The following CCDC170 variants were observed in gnomAD, a reference collection of about 807,000 sequenced individuals.
CCDC170 encodes the protein coiled-coil domain-containing protein 170.
A neutral mutation model predicts 72.6 loss-of-function variants in CCDC170; 69 were observed. The observed-to-expected ratio is 0.95, with a 90% CI of 0.78 to 1.16. The LOEUF (loss-of-function observed/expected upper bound fraction) is 1.16. Ranked by LOEUF, CCDC170 falls within the 50% of genes most tolerant of loss-of-function variation. The pLI is 0.00. For missense variants in CCDC170, 852 were observed against 832.5 expected (o/e 1.02, Z -0.29); for synonymous variants, 300 against 303.9 (o/e 0.99, Z 0.13).
intron 5 of CCDC170, among the ~76,000 whole-genome samples, chr6:151,553,570 G>A (rs527389874): frequency 2.4e-4 from 36 of 152,188 alleles, no homozygotes; most frequent in Admixed American, 3.9e-4. Context: ...TCAGTAGTAG[G>A]AAACGAGTAA....
intron 1 of CCDC170, among the ~76,000 whole-genome samples, chr6:151,503,139 T>G (rs982668923): frequency 6.6e-6 from 1 of 152,098 alleles, no homozygotes; most frequent in Non-Finnish European, 1.5e-5. Flanking sequence ...ATCACGCCGC[T>G]GCCCTCTGGC....
intron 1 of CCDC170, among the ~76,000 whole-genome samples, chr6:151,505,172 G>T (rs75969278): frequency 1.3e-4 from 20 of 152,174 alleles, no homozygotes; most frequent in Admixed American, 3.9e-4. Flanking sequence ...TGTGCTGCCC[G>T]CAGACCTTCT....
intron 5 of CCDC170, among the ~76,000 whole-genome samples, chr6:151,567,898 G>T (rs1175525978): frequency 6.6e-6 from 1 of 151,880 alleles, no homozygotes; most frequent in Non-Finnish European, 1.5e-5. Flanking sequence ...GGGTCACAAG[G>T]TCAGGAGTTC....
At chr6:151,512,103 C>G (rs1288694559) in intron 1 of CCDC170, among the ~76,000 whole-genome samples, 2 of 151,952 alleles carry the variant, frequency 1.3e-5, no homozygotes, top group Non-Finnish European at 2.9e-5. Flanking sequence ...TCTCAACCTC[C>G]CAATGTGCTG....
At chr6:151,592,578 G>A (rs1007781712) in intron 7 of CCDC170, among the ~76,000 whole-genome samples, 37 of 152,104 alleles carry the variant, frequency 2.4e-4, no homozygotes, top group African/African-American at 5.1e-4. Context: ...ATCAGACGTC[G>A]TGAGACTTAC....
At chr6:151,522,067 G>A (rs1402586236) in intron 1 of CCDC170, among the ~76,000 whole-genome samples, 1 of 152,022 alleles carries the variant, frequency 6.6e-6, no homozygotes, top group African/African-American at 2.4e-5. Context: ...GGCTGAGGCA[G>A]GAGAATCGCC....
chr6:151,529,682 G>A (rs1782466389), intron 1 of CCDC170, among the ~76,000 whole-genome samples: 1 of 151,832 alleles, frequency 6.6e-6, no homozygotes, highest in African/African-American at 2.4e-5. Flanking sequence ...ACAAAATAAT[G>A]GTATAACGAA....
chr6:151,502,398 C>A (rs1419788066), intron 1 of CCDC170, among the ~76,000 whole-genome samples: 3 of 152,202 alleles, frequency 2.0e-5, no homozygotes, highest in African/African-American at 7.2e-5. Context: ...TTCTGAGTAA[C>A]TGAAATGACT....
At position 151,527,068 on chromosome 6, in the gene CCDC170, T is replaced by C. The variant is rs1452953032; in HGVS notation, c.58-9250T>C. Among the ~76,000 whole-genome samples the C allele has an allele frequency of 4.1e-5, 6 of 147,882 alleles. 1 individual carries two copies. The highest frequency in any genetic ancestry group is 1.5e-4 in the African/African-American group (6 of 40,026). On this transcript the variant is annotated intron_variant, in intron 1 of 10. Transcript: ENST00000239374. ...CTTAGCTATTTTTTTTTTTTTTTTT[T>C]TTTTTTGCATTTTCAATAGGGTTTT...
At chr6:151,564,246 G>C (rs1348865002) in intron 5 of CCDC170, among the ~76,000 whole-genome samples, 1 of 152,168 alleles carries the variant, frequency 6.6e-6, no homozygotes, top group Non-Finnish European at 1.5e-5. Context: ...GTGCAGCGGT[G>C]TAGTTTCCTA....
chr6:151,536,234 C>T, intron 1 of CCDC170, 84 bp from the exon 2 acceptor site: 4 of 1,492,252 alleles, frequency 2.7e-6, no homozygotes, highest in Non-Finnish European at 3.7e-6. Context: ...ATGCTTCTGC[C>T]TTTAATCTGG....
chr6:151,591,705 C>T (rs1776538160), intron 7 of CCDC170, among the ~76,000 whole-genome samples: 1 of 152,030 alleles, frequency 6.6e-6, no homozygotes, highest in Admixed American at 6.6e-5. Flanking sequence ...CTGTGTTAGC[C>T]AGCATGGTCT....
At chr6:151,503,577 C>T (rs188208674) in intron 1 of CCDC170, among the ~76,000 whole-genome samples, 3 of 151,994 alleles carry the variant, frequency 2.0e-5, no homozygotes, top group Non-Finnish European at 4.4e-5. Flanking sequence ...CTCAGCCTCC[C>T]GAGTAGCTGG....
intron 1 of CCDC170, among the ~76,000 whole-genome samples, chr6:151,510,180 G>A (rs1392754547): frequency 6.6e-6 from 1 of 152,186 alleles, no homozygotes; most frequent in Non-Finnish European, 1.5e-5. Flanking sequence ...CTGAGTAAGA[G>A]CATGGGCTTT....
intron 4 of CCDC170, among the ~76,000 whole-genome samples, chr6:151,545,880 C>T (rs1033854845): frequency 2.0e-5 from 3 of 152,006 alleles, no homozygotes; most frequent in Non-Finnish European, 4.4e-5. Flanking sequence ...GCAATTACCC[C>T]ACCTCTGCCT....
intron 1 of CCDC170, among the ~76,000 whole-genome samples, chr6:151,521,918 G>A (rs549038105): frequency 2.3e-4 from 35 of 151,788 alleles, no homozygotes; most frequent in Non-Finnish European, 3.4e-4. Context: ...CCCAGGAGGC[G>A]GAGCTTGTAG....
chr6:151,588,043 G>A (rs9478224), intron 7 of CCDC170, among the ~76,000 whole-genome samples: 21,705 of 152,116 alleles, frequency 0.14, 1,825 homozygotes, highest in African/African-American at 0.24. Context: ...GATACTTGGC[G>A]AAACCAAAGG....
rs779271567 is a variant in CCDC170 at position 151,538,052 on chromosome 6, A to C, written c.194A>C (p.Asp65Ala). 2.5e-6 allele frequency: 4 copies of C among 1,605,586 alleles called. No homozygotes were observed. In the South Asian group the frequency reaches 4.5e-5, roughly 18 times the overall value. ...ACTTCTTTTCCATGTTAGCTTCAAG[A>C]CCTCCGATCCAAGATGCTTTCTAAA... is the stretch of plus-strand genomic sequence containing the variant. Reference protein sequence around the residue: ...KFECAQSELQDLRSKMLSKEV... With the variant: ...KFECAQSELQALRSKMLSKEV... The change falls in exon 3 of 11, where the codon GAC (aspartate) becomes GCC (alanine). Residue 65 changes from aspartate to alanine, a missense_variant. Asp to Ala is a moderately radical substitution (Grantham distance 126). Coordinates refer to ENST00000239374, the MANE Select transcript of CCDC170 (RefSeq NM_025059.4).
At chr6:151,502,706 T>G (rs1782009325) in intron 1 of CCDC170, among the ~76,000 whole-genome samples, 1 of 152,234 alleles carries the variant, frequency 6.6e-6, no homozygotes, top group African/African-American at 2.4e-5. Context: ...CCATAAATAT[T>G]CTGCTTAGTG....
Sources: allele counts gnomAD v4.1 joint callset (sites outside exome capture counted in the v4.1 genomes callset), GRCh38; gene constraint gnomAD v4.1.1; transcripts MANE v1.5; gene names NCBI Gene and HGNC (gene_info 2026-07-23, HGNC 2026-07-21).